Variants in CARMIL1 observed in about 807,000 individuals in gnomAD.
CARMIL1 encodes the protein capping protein regulator and myosin 1 linker 1.
CARMIL1 carries 90 observed loss-of-function variants against 177.1 expected under a neutral mutation model. The observed-to-expected ratio is 0.51, with a 90% CI of 0.43 to 0.61. The LOEUF (loss-of-function observed/expected upper bound fraction) is 0.61, where lower values mean the gene tolerates loss of function less well. Ranked by LOEUF, CARMIL1 falls within the 20% of genes least tolerant of loss-of-function variation. CARMIL1 has a pLI of 0.00. For synonymous variants in CARMIL1, 577 were observed against 606.2 expected, an observed-to-expected ratio of 0.95 and a Z score of 0.71; for missense variants, 1,380 against 1,667.0, an observed-to-expected ratio of 0.83 and a Z score of 3.00.
rs754904654 is a variant in CARMIL1, at chr6:25,479,287, G to GCTT, written c.875-2966_875-2964dup. 6 of 496,302 alleles carry GCTT rather than the reference G, an allele frequency of 1.2e-5. No homozygotes were observed. In the East Asian group the frequency reaches 3.3e-4, roughly 28 times the overall value. The allele number at this position is 496,302 out of a possible 1,614,324, so 30.7% of individuals were successfully genotyped here. A position where few individuals can be genotyped will look rare whatever the true frequency, so the allele number is the denominator to read the frequency against. On this transcript the variant is annotated intron_variant, in intron 11 of 36. Transcript: ENST00000329474. ...TTGCCTATGTACTCCTTTGTGTGTG[G>GCTT]CTTCTTTTGCTTCTCTTTGTGGAGA...
intron 26 of CARMIL1, among the ~76,000 whole-genome samples, chr6:25,546,653 T>TCAACAA: frequency 1.5e-5 from 2 of 134,116 alleles, no homozygotes; most frequent in African/African-American, 2.8e-5. Context: ...AGATCCCGTC[T>TCAACAA]CAACAACAAC....
intron 12 of CARMIL1, among the ~76,000 whole-genome samples, chr6:25,487,874 T>C (rs1164069661): frequency 1.3e-5 from 2 of 152,242 alleles, no homozygotes; most frequent in African/African-American, 4.8e-5. Context: ...TTATGTTAAT[T>C]TGAGCCATTT....
At chr6:25,382,657 G>A (rs1423763414) in intron 2 of CARMIL1, among the ~76,000 whole-genome samples, 1 of 152,082 alleles carries the variant, frequency 6.6e-6, no homozygotes, top group Non-Finnish European at 1.5e-5. Context: ...TGATTGGTGC[G>A]TTTTTACAGA....
At chr6:25,396,519 G>T (rs903224365) in intron 2 of CARMIL1, among the ~76,000 whole-genome samples, 14 of 151,566 alleles carry the variant, frequency 9.2e-5, no homozygotes, top group Non-Finnish European at 1.5e-5. Flanking sequence ...CCACCACCAC[G>T]CCCAGCTAAT....
At chr6:25,479,001 A>G in intron 11 of CARMIL1, 1 of 447,526 alleles carries the variant, frequency 2.2e-6, no homozygotes, top group Middle Eastern at 3.6e-4. Flanking sequence ...CAGGAAAGTT[A>G]TAGAATTGGT....
At chr6:25,604,407 A>G (rs1815735591) in intron 33 of CARMIL1, among the ~76,000 whole-genome samples, 1 of 152,122 alleles carries the variant, frequency 6.6e-6, no homozygotes, top group Non-Finnish European at 1.5e-5. Context: ...TGGAAACCAA[A>G]CCTAGAGCAG....
chr6:25,297,541 C>G (rs1388873993), intron 2 of CARMIL1, among the ~76,000 whole-genome samples: 1 of 152,202 alleles, frequency 6.6e-6, no homozygotes, highest in Non-Finnish European at 1.5e-5. Flanking sequence ...CTTGGCAAAG[C>G]CTGGATGCGA....
intron 2 of CARMIL1, among the ~76,000 whole-genome samples, chr6:25,360,001 C>T (rs1789019393): frequency 6.6e-6 from 1 of 152,186 alleles, no homozygotes; most frequent in Non-Finnish European, 1.5e-5. Flanking sequence ...GGGAGAACTT[C>T]TTTCTGCAGT....
intron 2 of CARMIL1, among the ~76,000 whole-genome samples, chr6:25,417,927 A>T (rs773043279): frequency 6.6e-6 from 1 of 152,104 alleles, no homozygotes; most frequent in African/African-American, 2.4e-5. Context: ...CACATAGAAA[A>T]TGCTCGACAA....
intron 8 of CARMIL1, chr6:25,465,435 A>C (rs1800515999): frequency 6.4e-6 from 1 of 155,436 alleles, no homozygotes; most frequent in Non-Finnish European, 1.4e-5. Flanking sequence ...TGGGAGAATC[A>C]CTTGAGTTTC....
In CARMIL1 at chr6:25,509,197, A is replaced by G. The variant is rs1399156560; in HGVS notation, c.1396-459A>G. On this transcript the variant is annotated intron_variant, in intron 17 of 36. Transcript: ENST00000329474. The surrounding 1 kb of genome is among the most constrained non-coding windows in gnomAD (Gnocchi z 4.1). ...GAACAGGTAGGGATGGGTCCTTCCT[A>G]AAATGTTTGACAATCAAAGTAAGTC... 6.6e-6 allele frequency among the ~76,000 whole-genome samples: 1 copy of G among 152,192 alleles called. No individual in the cohort carries two copies. Among genetic ancestry groups the G allele is most frequent in the Non-Finnish European group, 1.5e-5 (1 of 68,034 alleles).
intron 2 of CARMIL1, among the ~76,000 whole-genome samples, chr6:25,367,293 A>G (rs1279724534): frequency 6.6e-6 from 1 of 152,142 alleles, no homozygotes; most frequent in Non-Finnish European, 1.5e-5. Flanking sequence ...ATCCCTATAG[A>G]TGCTGGTTAA....
intron 2 of CARMIL1, among the ~76,000 whole-genome samples, chr6:25,312,363 A>G (rs762322129): frequency 1.7e-4 from 26 of 152,212 alleles, no homozygotes; most frequent in Non-Finnish European, 3.2e-4. Flanking sequence ...TGGTTAAGAT[A>G]CCAAGGATGA....
intron 29 of CARMIL1, among the ~76,000 whole-genome samples, chr6:25,579,259 G>GAAAAAAA (rs5875052): frequency 6.9e-6 from 1 of 143,942 alleles, no homozygotes; most frequent in Non-Finnish European, 1.5e-5. Flanking sequence ...CAAGAGTCAG[G>GAAAAAAA]AAAAAAAAAA....
chr6:25,578,047 G>C (rs1347984815), intron 29 of CARMIL1, among the ~76,000 whole-genome samples: 1 of 152,122 alleles, frequency 6.6e-6, no homozygotes, highest in Non-Finnish European at 1.5e-5. Flanking sequence ...TTTAAGATAA[G>C]TTAATTTTGT....
intron 2 of CARMIL1, among the ~76,000 whole-genome samples, chr6:25,394,702 G>A (rs943874373): frequency 2.6e-5 from 4 of 152,130 alleles, no homozygotes; most frequent in African/African-American, 4.8e-5. Flanking sequence ...ATAAATAACC[G>A]TACTGAAATT....
At chr6:25,325,379 A>G (rs894135520) in intron 2 of CARMIL1, among the ~76,000 whole-genome samples, 9 of 152,158 alleles carry the variant, frequency 5.9e-5, no homozygotes, top group Non-Finnish European at 8.8e-5. Flanking sequence ...CTGATATTTA[A>G]CTATCTTTAA....
In CARMIL1 at chr6:25,284,916, A is replaced by T. The variant is rs766793636; in HGVS notation, c.138+7A>T. ...AGTTGAAAACAAAGTGCTGGTAAGT[A>T]TTGCTGTTTATTTTTATTAAATGTT... On this transcript the variant is annotated splice_region_variant and intron_variant, in intron 2 of 36. Coordinates refer to ENST00000329474, the MANE Select transcript of CARMIL1 (RefSeq NM_017640.6). The T allele has an allele frequency of 1.4e-6, 2 of 1,471,346 alleles. No homozygotes were observed. The highest frequency in any genetic ancestry group is 2.5e-5 in the South Asian group (2 of 81,574). The allele number at this position is 1,471,346 out of a possible 1,614,324, so 91.1% of individuals were successfully genotyped here. A position where few individuals can be genotyped will look rare whatever the true frequency, so the allele number is the denominator to read the frequency against.
At chr6:25,428,119 A>G (rs997452611) in intron 4 of CARMIL1, among the ~76,000 whole-genome samples, 6 of 152,182 alleles carry the variant, frequency 3.9e-5, no homozygotes, top group African/African-American at 1.4e-4. Context: ...AATGTTCTAT[A>G]TCTTCCAGAA....
Sources: gnomAD v4.1 joint callset for allele counts (sites outside exome capture counted in the v4.1 genomes callset) on GRCh38, gnomAD v4.1.1 for gene constraint, Gnocchi (gnomAD v3.1) non-coding constraint, MANE v1.5 for transcripts, NCBI Gene and HGNC (gene_info 2026-07-23, HGNC 2026-07-21) for gene names.